Variants in CFAP20DC observed in about 807,000 individuals in gnomAD.
CFAP20DC encodes the protein CFAP20 domain containing, also known as protein CFAP20DC.
A neutral mutation model predicts 101.7 loss-of-function variants in CFAP20DC; 84 were observed. That is an observed-to-expected ratio of 0.83 (90% confidence interval 0.69 to 0.99). The LOEUF (loss-of-function observed/expected upper bound fraction) is 0.99. Among genes scored for constraint, CFAP20DC ranks in the 50% least tolerant of loss-of-function variants. The probability of loss-of-function intolerance (pLI) is 0.00; values close to 1 mark genes in which losing one functional copy is unlikely to be tolerated. For synonymous variants in CFAP20DC, 359 were observed against 351.2 expected (o/e 1.02, Z -0.25); for missense variants, 1,007 against 970.3 (o/e 1.04, Z -0.50).
At chr3:58,776,688 A>C (rs1488085306) in intron 15 of CFAP20DC, among the ~76,000 whole-genome samples, 1 of 150,916 alleles carries the variant, frequency 6.6e-6, no homozygotes, top group African/African-American at 2.4e-5. Context: ...ATACATGTTA[A>C]TTAACTGTTT....
chr3:58,853,604 A>G (rs1392366772), intron 12 of CFAP20DC, among the ~76,000 whole-genome samples: 1 of 152,064 alleles, frequency 6.6e-6, no homozygotes, highest in Non-Finnish European at 1.5e-5. Context: ...TGGCAAACCG[A>G]ATCCAGCAGC....
chr3:58,831,858 T>C lies in CFAP20DC; in HGVS notation c.2003A>G (p.Gln668Arg), dbSNP rs1278775824. The C allele has an allele frequency of 6.2e-7, 1 of 1,614,118 alleles. No homozygotes were observed. Among genetic ancestry groups the C allele is most frequent in the Non-Finnish European group, 8.5e-7 (1 of 1,179,978 alleles). ...CATCTGTAACTCGGATTCACTCATC[T>C]GGCTTGGCTGATAGTTTCGCCAGTC... ...EYDWRNYQPS[Q>R]MSESELQMLA... The change falls in exon 14 of 17, where the codon CAG becomes CGG. Residue 668 changes from glutamine to arginine, a missense_variant. Gln to Arg is a conservative substitution (Grantham distance 43). Transcript: ENST00000482387.
intron 4 of CFAP20DC, among the ~76,000 whole-genome samples, chr3:58,968,204 T>C (rs2091713128): frequency 6.6e-6 from 1 of 152,210 alleles, no homozygotes; most frequent in Non-Finnish European, 1.5e-5. Context: ...TAGGATGATT[T>C]GTATTCCTTT....
chr3:58,905,731 G>A (rs1468862449), intron 6 of CFAP20DC, among the ~76,000 whole-genome samples: 1 of 152,182 alleles, frequency 6.6e-6, no homozygotes, highest in Non-Finnish European at 1.5e-5. Context: ...TCAAATCCCA[G>A]TGTGGAATTT....
intron 14 of CFAP20DC, among the ~76,000 whole-genome samples, chr3:58,828,268 C>G (rs1483590331): frequency 6.6e-6 from 1 of 152,080 alleles, no homozygotes; most frequent in Non-Finnish European, 1.5e-5. Context: ...ATAATGACAG[C>G]TAAACTTCAT....
intron 4 of CFAP20DC, among the ~76,000 whole-genome samples, chr3:59,003,246 T>C (rs1022298836): frequency 2.0e-5 from 3 of 152,282 alleles, no homozygotes; most frequent in Admixed American, 6.5e-5. Flanking sequence ...ACAGATAGAA[T>C]GGGTGGATGG....
intron 15 of CFAP20DC, among the ~76,000 whole-genome samples, chr3:58,758,192 A>G (rs998764771): frequency 2.6e-5 from 4 of 152,084 alleles, no homozygotes; most frequent in Non-Finnish European, 5.9e-5. Context: ...TAATAATTTT[A>G]TTTTTAAGCA....
intron 15 of CFAP20DC, among the ~76,000 whole-genome samples, chr3:58,783,261 T>C (rs1473287691): frequency 6.6e-6 from 1 of 151,760 alleles, no homozygotes. Context: ...CTACTTCTCA[T>C]CATATACAAA....
At chr3:58,758,113 T>A (rs1376261021) in intron 15 of CFAP20DC, among the ~76,000 whole-genome samples, 1 of 152,168 alleles carries the variant, frequency 6.6e-6, no homozygotes, top group South Asian at 2.1e-4. Context: ...TGCTCCAAGT[T>A]ATACAATTTC....
intron 4 of CFAP20DC, among the ~76,000 whole-genome samples, chr3:59,028,735 T>C (rs770699425): frequency 5.9e-5 from 9 of 152,198 alleles, no homozygotes; most frequent in Non-Finnish European, 1.2e-4. Flanking sequence ...GTAATAATTA[T>C]GCCTACTATC....
intron 4 of CFAP20DC, among the ~76,000 whole-genome samples, chr3:58,948,043 G>A (rs2089588678): frequency 6.6e-6 from 1 of 152,178 alleles, no homozygotes; most frequent in Non-Finnish European, 1.5e-5. Flanking sequence ...TTGGGTCCAT[G>A]GGTGAAGTGG....
intron 12 of CFAP20DC, among the ~76,000 whole-genome samples, chr3:58,854,098 C>T (rs1575947618): frequency 6.6e-6 from 1 of 152,128 alleles, no homozygotes; most frequent in Non-Finnish European, 1.5e-5. Flanking sequence ...ATTGTCTCAG[C>T]CCAAAATCTC....
chr3:58,761,118 T>C (rs1420975000), intron 15 of CFAP20DC, among the ~76,000 whole-genome samples: 1 of 152,226 alleles, frequency 6.6e-6, no homozygotes, highest in Non-Finnish European at 1.5e-5. Context: ...TGGTAGCAGC[T>C]CCTCCTTGTA....
chr3:58,749,106 A>G (rs1240364202), intron 16 of CFAP20DC, among the ~76,000 whole-genome samples: 1 of 152,224 alleles, frequency 6.6e-6, no homozygotes, highest in Non-Finnish European at 1.5e-5. Flanking sequence ...TCTTCGAGGT[A>G]CAAAAAAGAT....
In CFAP20DC at chr3:58,814,327, C is replaced by A. The variant is rs190901623; in HGVS notation, c.2176-7871G>T. ...CTCCTTGCTTTAGACTAAAAACTCT[C>A]AATAAATTAGGTATTGATGGGACGT... On this transcript the variant is annotated intron_variant, in intron 14 of 16. Transcript: ENST00000482387. Among the ~76,000 whole-genome samples the A allele has an allele frequency of 2.6e-3, 391 of 151,882 alleles. 3 individuals are homozygous for A. Among genetic ancestry groups the A allele is most frequent in the Middle Eastern group, 0.01 (3 of 292 alleles).
intron 15 of CFAP20DC, among the ~76,000 whole-genome samples, chr3:58,791,552 T>C (rs2072859118): frequency 6.6e-6 from 1 of 152,170 alleles, no homozygotes. Flanking sequence ...ATTTTTAACA[T>C]TCAAATATGA....
rs541845707 is a variant in CFAP20DC at position 58,766,017 on chromosome 3, C to T, written c.2238-12154G>A. Among the ~76,000 whole-genome samples the T allele has an allele frequency of 1.1e-4, 17 of 152,230 alleles. 1 individual carries two copies. The highest frequency in any genetic ancestry group is 1.0e-3 in the Admixed American group (16 of 15,298). On this transcript the variant is annotated intron_variant, in intron 15 of 16. Transcript: ENST00000482387. ...AGATAGTCTAAAGCCCATATGTGAA[C>T]CTCTGGGCTCCAAATAAAGAACTTA...
In CFAP20DC at chr3:58,799,850, G is replaced by A. The variant is rs183765006; in HGVS notation, c.2237+6545C>T. 1.4e-4 allele frequency among the ~76,000 whole-genome samples: 21 copies of A among 152,174 alleles called. No individual in the cohort carries two copies. The highest frequency in any genetic ancestry group is 9.2e-4 in the Admixed American group (14 of 15,276). ...AAGATAATGTGCTAAAGGTGACTGA[G>A]GGCTATTTTAGGGTGGACACTAAGA... On this transcript the variant is annotated intron_variant, in intron 15 of 16. Transcript: ENST00000482387. The surrounding 1 kb of genome is among the most constrained non-coding windows in gnomAD (Gnocchi z 4.9).
At chr3:58,815,901 C>G (rs1195032472) in intron 14 of CFAP20DC, among the ~76,000 whole-genome samples, 3 of 151,446 alleles carry the variant, frequency 2.0e-5, no homozygotes. Flanking sequence ...AACACTTTTA[C>G]ACTGTTGCTG....
Sources: allele counts gnomAD v4.1 joint callset (sites outside exome capture counted in the v4.1 genomes callset), GRCh38; gene constraint gnomAD v4.1.1; non-coding constraint Gnocchi (gnomAD v3.1); transcripts MANE v1.5; gene names NCBI Gene and HGNC (gene_info 2026-07-23, HGNC 2026-07-21).